TYR: variants seen among roughly 807,000 people sequenced by gnomAD.
The protein encoded by TYR is tyrosinase, also known as LB24-AB.
A neutral mutation model predicts 51.5 loss-of-function variants in TYR; 58 were observed. That is an observed-to-expected ratio of 1.13 (90% CI 0.91 to 1.40). The LOEUF is 1.40. Among genes scored for constraint, TYR ranks in the 40% most tolerant of loss-of-function variants. The probability of loss-of-function intolerance (pLI) is 0.00; values close to 1 mark genes in which losing one functional copy is unlikely to be tolerated. For synonymous variants in TYR, 263 were observed against 235.2 expected (o/e 1.12, Z -1.08); for missense variants, 732 against 647.4 (o/e 1.13, Z -1.42).
intron 2 of TYR, among the ~76,000 whole-genome samples, chr11:89,204,690 G>A (rs1028687463): frequency 1.2e-4 from 18 of 151,910 alleles, no homozygotes; most frequent in African/African-American, 3.4e-4. Context: ...GAGCCACTGC[G>A]CCCAGCTGAG....
At chr11:89,285,003 T>C (rs761657500) in intron 4 of TYR, 49 bp downstream of exon 4, 18 of 1,526,918 alleles carry the variant, frequency 1.2e-5, no homozygotes, top group Non-Finnish European at 1.6e-5. Flanking sequence ...GTGTTACCAA[T>C]TTATTTTGAG....
chr11:89,289,299 T>C (rs988293464), intron 4 of TYR, among the ~76,000 whole-genome samples: 3 of 152,040 alleles, frequency 2.0e-5, no homozygotes, highest in African/African-American at 7.2e-5. Flanking sequence ...CCAATGGAAT[T>C]TGATGACACT....
intron 2 of TYR, among the ~76,000 whole-genome samples, chr11:89,209,292 A>G (rs1167455487): frequency 6.6e-6 from 1 of 152,174 alleles, no homozygotes; most frequent in East Asian, 1.9e-4. Flanking sequence ...ATTCCCTCCC[A>G]TGCCTGGCTC....
chr11:89,258,986 A>G (rs1460960822), intron 3 of TYR, among the ~76,000 whole-genome samples: 4 of 152,074 alleles, frequency 2.6e-5, no homozygotes, highest in East Asian at 1.9e-4. Context: ...ATCTATTGCA[A>G]AAGTATTTCT....
Position 89,227,935 on chromosome 11 carries a change from T to G in TYR, c.1149T>G (p.Asp383Glu), listed in dbSNP as rs1302991899. The G allele has an allele frequency of 1.9e-6, 3 of 1,613,670 alleles. No individual in the cohort carries two copies. The highest frequency in any genetic ancestry group is 2.5e-6 in the Non-Finnish European group (3 of 1,179,720). The change falls in exon 3 of 5, where the codon GAT (aspartate) becomes GAG (glutamate). Residue 383 changes from aspartate (D) to glutamate (E), a missense_variant. Coordinates refer to ENST00000263321, the MANE Select transcript of TYR (RefSeq NM_000372.5). Reference sequence around the variant, plus strand: ...CCCAGGTACAGGGATCTGCCAACGATCCTATCTTCCTTCTTCACCATGCAT... The same window carrying G: ...CCCAGGTACAGGGATCTGCCAACGAGCCTATCTTCCTTCTTCACCATGCAT... Reference protein sequence around the residue: ...TMSQVQGSANDPIFLLHHAFV... With the variant: ...TMSQVQGSANEPIFLLHHAFV...
chr11:89,228,829 A>G (rs1212384953), intron 3 of TYR, among the ~76,000 whole-genome samples: 1 of 152,148 alleles, frequency 6.6e-6, no homozygotes, highest in African/African-American at 2.4e-5. Context: ...ATGATAGCAG[A>G]AAAGAAAGTA....
At chr11:89,211,050 T>A (rs1477547541) in intron 2 of TYR, among the ~76,000 whole-genome samples, 1 of 152,136 alleles carries the variant, frequency 6.6e-6, no homozygotes, top group Non-Finnish European at 1.5e-5. Context: ...AGAAACTGCA[T>A]CAATTAATGG....
intron 2 of TYR, among the ~76,000 whole-genome samples, chr11:89,221,035 TTG>T (rs1386202269): frequency 8.5e-5 from 13 of 152,324 alleles, no homozygotes; most frequent in African/African-American, 2.6e-4. Flanking sequence ...TTATAATTCA[TTG>T]TGATTTGTCA....
intron 3 of TYR, among the ~76,000 whole-genome samples, chr11:89,252,049 T>C (rs1421053143): frequency 6.6e-6 from 1 of 151,826 alleles, no homozygotes; most frequent in East Asian, 1.9e-4. Flanking sequence ...GACATTGGCT[T>C]TTCTGATTTC....
chr11:89,208,483 C>G (rs1943704008), intron 2 of TYR, among the ~76,000 whole-genome samples: 1 of 152,056 alleles, frequency 6.6e-6, no homozygotes, highest in Non-Finnish European at 1.5e-5. Flanking sequence ...CAACAGTTAT[C>G]AATATATGTG....
intron 2 of TYR, among the ~76,000 whole-genome samples, chr11:89,212,809 C>T (rs947930761): frequency 2.0e-5 from 3 of 152,124 alleles, no homozygotes; most frequent in Middle Eastern, 3.2e-3. Flanking sequence ...AATGTAAATC[C>T]ATCACATAAA....
chr11:89,178,603 G>A lies in TYR; in HGVS notation c.650G>A (p.Arg217Gln), dbSNP rs61754365. The change falls in exon 1 of 5, where the codon CGG becomes CAG. Residue 217 changes from arginine to glutamine, a missense_variant. Transcript: ENST00000263321. The stretch of plus-strand genomic sequence containing the variant: ...CCTTGGCATAGACTCTTCTTGTTGC[G>A]GTGGGAACAAGAAATCCAGAAGCTG... ...FLPWHRLFLL[R>Q]WEQEIQKLTG... 2.2e-4 allele frequency: 358 copies of A among 1,612,568 alleles called. 1 individual carries two copies. Among genetic ancestry groups the A allele is most frequent in the Non-Finnish European group, 2.1e-4 (248 of 1,179,202 alleles).
intron 3 of TYR, among the ~76,000 whole-genome samples, chr11:89,276,043 A>G (rs1205176198): frequency 2.0e-5 from 3 of 152,002 alleles, no homozygotes; most frequent in African/African-American, 4.8e-5. Context: ...ACTCAAGATT[A>G]TTGGGTAGAT....
At chr11:89,254,363 C>A (rs1223147885) in intron 3 of TYR, among the ~76,000 whole-genome samples, 1 of 151,682 alleles carries the variant, frequency 6.6e-6, no homozygotes, top group Admixed American at 6.6e-5. Flanking sequence ...AGGGAGAATT[C>A]ACTCTTTATC....
chr11:89,194,045 C>T (rs918004958), intron 2 of TYR, among the ~76,000 whole-genome samples: 2 of 152,158 alleles, frequency 1.3e-5, no homozygotes, highest in Non-Finnish European at 2.9e-5. Flanking sequence ...TTTATCAAAT[C>T]TACTGTATAT....
chr11:89,248,495 C>G (rs1023154721), intron 3 of TYR, among the ~76,000 whole-genome samples: 3 of 151,916 alleles, frequency 2.0e-5, no homozygotes, highest in African/African-American at 7.3e-5. Flanking sequence ...GCAGAAGGCA[C>G]ACATTTAAAG....
At chr11:89,241,715 A>T (rs533514213) in intron 3 of TYR, among the ~76,000 whole-genome samples, 1 of 148,784 alleles carries the variant, frequency 6.7e-6, no homozygotes, top group African/African-American at 2.4e-5. Flanking sequence ...ATTGCAGTCC[A>T]TTTGTATAGA....
chr11:89,269,567 A>G (rs1242764756), intron 3 of TYR, among the ~76,000 whole-genome samples: 1 of 151,902 alleles, frequency 6.6e-6, no homozygotes, highest in African/African-American at 2.4e-5. Flanking sequence ...TCCAAGTTTC[A>G]TCATTAGTTT....
chr11:89,234,395 G>A (rs1944085860), intron 3 of TYR, among the ~76,000 whole-genome samples: 1 of 143,438 alleles, frequency 7.0e-6, no homozygotes, highest in Non-Finnish European at 1.5e-5. Context: ...TTCTTATTGT[G>A]TGTGTTTACT....
Sources: allele counts gnomAD v4.1 joint callset (sites outside exome capture counted in the v4.1 genomes callset), GRCh38; gene constraint gnomAD v4.1.1; transcripts MANE v1.5; gene names NCBI Gene and HGNC (gene_info 2026-07-23, HGNC 2026-07-21).